Variants in ANKRD13C observed in about 807,000 individuals in gnomAD.
The protein encoded by ANKRD13C is ankyrin repeat domain 13C.
Under a neutral mutation model 65.5 loss-of-function variants are expected in ANKRD13C, and 16 were observed. That is an observed-to-expected ratio of 0.24 (90% CI 0.17 to 0.37). The LOEUF (loss-of-function observed/expected upper bound fraction) is 0.37. Ranked by LOEUF, ANKRD13C falls within the 10% of genes least tolerant of loss-of-function variation. The pLI is 1.00. For synonymous variants in ANKRD13C, 235 were observed against 238.7 expected (o/e 0.98, Z 0.14); for missense variants, 503 against 655.9 (o/e 0.77, Z 2.55).
intron 6 of ANKRD13C, among the ~76,000 whole-genome samples, chr1:70,304,186 T>C (rs1057025721): frequency 6.6e-6 from 1 of 151,290 alleles, no homozygotes; most frequent in Non-Finnish European, 1.5e-5. Flanking sequence ...GGACTACAAG[T>C]GCGTGCCACC....
At chr1:70,289,103 T>A (rs1679746325) in intron 9 of ANKRD13C, among the ~76,000 whole-genome samples, 1 of 152,226 alleles carries the variant, frequency 6.6e-6, no homozygotes, top group African/African-American at 2.4e-5. Flanking sequence ...ATTCATCAAC[T>A]ATAAAGTTCA....
At chr1:70,285,869 C>T (rs1224053692) in intron 9 of ANKRD13C, among the ~76,000 whole-genome samples, 2 of 152,072 alleles carry the variant, frequency 1.3e-5, no homozygotes, top group African/African-American at 2.4e-5. Flanking sequence ...AAGTGATCTG[C>T]CTGCCACCAC....
intron 11 of ANKRD13C, among the ~76,000 whole-genome samples, 190 bp from the exon 12 acceptor site, chr1:70,271,146 T>A (rs1678860955): frequency 1.3e-5 from 2 of 152,206 alleles, no homozygotes; most frequent in South Asian, 2.1e-4. Context: ...TGTGCAGCCA[T>A]AATTTTCACA....
intron 1 of ANKRD13C, among the ~76,000 whole-genome samples, chr1:70,346,253 T>C (rs1414535611): frequency 6.6e-6 from 1 of 152,162 alleles, no homozygotes; most frequent in Non-Finnish European, 1.5e-5. Flanking sequence ...GATTAGGATG[T>C]AATAAAATTC....
intron 2 of ANKRD13C, among the ~76,000 whole-genome samples, chr1:70,329,506 G>C (rs1214231062): frequency 2.0e-5 from 3 of 151,482 alleles, no homozygotes; most frequent in Non-Finnish European, 4.4e-5. Context: ...GGGCAACAAA[G>C]TGAGACTCTG....
intron 1 of ANKRD13C, among the ~76,000 whole-genome samples, chr1:70,350,749 T>C (rs1440953913): frequency 6.6e-6 from 1 of 152,384 alleles, no homozygotes; most frequent in East Asian, 1.9e-4. Flanking sequence ...AAGAGGTTCA[T>C]GATATGCTTT....
At chr1:70,328,585 C>A (rs1330618702) in intron 2 of ANKRD13C, among the ~76,000 whole-genome samples, 1 of 152,042 alleles carries the variant, frequency 6.6e-6, no homozygotes, top group Non-Finnish European at 1.5e-5. Context: ...TCGTTTGAAC[C>A]CTGGAGGCAG....
chr1:70,352,326 C>T (rs1682778646), intron 1 of ANKRD13C, among the ~76,000 whole-genome samples: 1 of 104,650 alleles, frequency 9.6e-6, no homozygotes, highest in Admixed American at 1.5e-4. Flanking sequence ...GGCGACAGAG[C>T]AAGACTCCGT....
chr1:70,292,563 A>G lies in ANKRD13C; in HGVS notation c.1054-14T>C. The G allele has an allele frequency of 6.4e-7, 1 of 1,570,364 alleles. No homozygotes were observed. The highest frequency in any genetic ancestry group is 1.2e-5 in the South Asian group (1 of 81,822). ...TCCTACTCTTTCCTAAAACAAAACC[A>G]AATATTTAAAAGTAAAATTTTTAGG... is the stretch of plus-strand genomic sequence containing the variant. On this transcript the variant is annotated splice_polypyrimidine_tract_variant and intron_variant, in intron 8 of 12. Transcript: ENST00000370944.
chr1:70,298,168 T>C (rs889688722), intron 7 of ANKRD13C, among the ~76,000 whole-genome samples: 2 of 152,094 alleles, frequency 1.3e-5, no homozygotes, highest in Admixed American at 6.6e-5. Flanking sequence ...ATGAATCAAG[T>C]AGAATTTTAT....
At position 70,279,626 on chromosome 1, in the gene ANKRD13C, C is replaced by T. The variant is rs565829239; in HGVS notation, c.1216-2782G>A. 6.8e-4 allele frequency among the ~76,000 whole-genome samples: 103 copies of T among 151,816 alleles called. 2 individuals are homozygous for T. In the South Asian group the frequency reaches 0.021, roughly 31 times the overall value. On this transcript the variant is annotated intron_variant, in intron 9 of 12. Transcript: ENST00000370944. ...GTTCAAGCAATATTTCTGCCTCAGC[C>T]TCCTGAGTTGGGATTACAGGTGTGC...
Position 70,262,523 on chromosome 1 carries a change from C to CA in ANKRD13C, c.*193dup, listed in dbSNP as rs1223481782. The CA allele has an allele frequency of 1.1e-5, 5 of 437,280 alleles. No individual in the cohort carries two copies. The highest frequency in any genetic ancestry group is 4.0e-5 in the African/African-American group (2 of 50,324). The allele number at this position is 437,280 out of a possible 1,614,324, so 27.1% of individuals were successfully genotyped here. ...TATAATATGTATATTTTTAAAAAGACAAAAAATGGCACATCAGAAAACTCG... is the reference window on the plus strand; with the variant it reads ...TATAATATGTATATTTTTAAAAAGACAAAAAAATGGCACATCAGAAAACTCG... On this transcript the variant is annotated 3_prime_UTR_variant, in exon 13 of 13. Transcript: ENST00000370944.
chr1:70,292,579 A>C, intron 8 of ANKRD13C, 30 bp from the exon 9 acceptor site: 2 of 1,530,788 alleles, frequency 1.3e-6, no homozygotes, highest in Non-Finnish European at 1.8e-6. Context: ...TTAAAAGTAA[A>C]ATTTTTAGGT....
intron 11 of ANKRD13C, among the ~76,000 whole-genome samples, chr1:70,274,294 C>A (rs1016901069): frequency 1.3e-5 from 2 of 151,030 alleles, no homozygotes; most frequent in Admixed American, 1.3e-4. Context: ...GCCAACATGG[C>A]GAAACCTCAT....
intron 1 of ANKRD13C, among the ~76,000 whole-genome samples, chr1:70,350,609 T>A (rs1397920396): frequency 5.3e-5 from 8 of 152,190 alleles, no homozygotes; most frequent in Non-Finnish European, 2.9e-5. Context: ...AAGACTCTTG[T>A]ACGGAACAAA....
intron 12 of ANKRD13C, among the ~76,000 whole-genome samples, chr1:70,268,545 G>A (rs146459397): frequency 8.5e-4 from 129 of 152,274 alleles, no homozygotes; most frequent in African/African-American, 3.0e-3. Context: ...GAAGAGGGGC[G>A]CCACTTCCAG....
chr1:70,333,055 G>A (rs901579940), intron 2 of ANKRD13C, among the ~76,000 whole-genome samples: 2 of 152,110 alleles, frequency 1.3e-5, no homozygotes, highest in Admixed American at 6.6e-5. Flanking sequence ...ATGGTTCTCA[G>A]TGAAAAAGAG....
At chr1:70,349,047 G>A (rs996073344) in intron 1 of ANKRD13C, among the ~76,000 whole-genome samples, 1 of 151,880 alleles carries the variant, frequency 6.6e-6, no homozygotes, top group Admixed American at 6.6e-5. Flanking sequence ...TAACTCAAAG[G>A]AAAAAACAAA....
Position 70,325,836 on chromosome 1 carries a change from G to A in ANKRD13C, c.473-879C>T, listed in dbSNP as rs181738707. On this transcript the variant is annotated intron_variant, in intron 2 of 12. Coordinates refer to ENST00000370944, the MANE Select transcript of ANKRD13C (RefSeq NM_030816.5). Reference sequence around the variant, plus strand: ...AGAGGCTGCAGTGAGCCAAGATTGCGTCACTGCATTCCAGTCCAGATGACA... The same window carrying A: ...AGAGGCTGCAGTGAGCCAAGATTGCATCACTGCATTCCAGTCCAGATGACA... Among the ~76,000 whole-genome samples, 581 of 152,024 alleles carry A rather than the reference G, an allele frequency of 3.8e-3. 3 individuals are homozygous for A. Among genetic ancestry groups the A allele is most frequent in the African/African-American group, 0.013 (525 of 41,456 alleles).
Sources: gnomAD v4.1 joint callset for allele counts (sites outside exome capture counted in the v4.1 genomes callset) on GRCh38, gnomAD v4.1.1 for gene constraint, MANE v1.5 for transcripts, NCBI Gene and HGNC (gene_info 2026-07-23, HGNC 2026-07-21) for gene names.